SORCS1: variants seen among roughly 807,000 people sequenced by gnomAD.
SORCS1 encodes VPS10 domain-containing receptor SorCS1.
SORCS1 carries 60 observed loss-of-function variants against 146.1 expected under a neutral mutation model. The observed-to-expected ratio is 0.41, with a 90% CI of 0.33 to 0.51. The LOEUF is 0.51. SORCS1 is among the 20% of genes least tolerant of loss of function. SORCS1 has a pLI of 0.21. For synonymous variants in SORCS1, 637 were observed against 584.0 expected (o/e 1.09, Z -1.31); for missense variants, 1,352 against 1,487.6 (o/e 0.91, Z 1.50).
At chr10:106,892,315 C>G (rs556274853) in intron 2 of SORCS1, among the ~76,000 whole-genome samples, 10 of 152,332 alleles carry the variant, frequency 6.6e-5, no homozygotes, top group Non-Finnish European at 1.2e-4. Context: ...TATTCTAAGT[C>G]ACCTGGAGTT....
chr10:107,048,773 A>C (rs912253428), intron 1 of SORCS1, among the ~76,000 whole-genome samples: 4 of 152,100 alleles, frequency 2.6e-5, no homozygotes, highest in Non-Finnish European at 5.9e-5. Flanking sequence ...CAAAGGAAAA[A>C]CCATAGAAGG....
chr10:107,095,178 T>C (rs1455606245), intron 1 of SORCS1, among the ~76,000 whole-genome samples: 1 of 152,180 alleles, frequency 6.6e-6, no homozygotes, highest in African/African-American at 2.4e-5. Context: ...ACAGCCAGTC[T>C]TGGGAAAAAA....
chr10:107,114,583 T>A (rs1478635656), intron 1 of SORCS1, among the ~76,000 whole-genome samples: 1 of 152,052 alleles, frequency 6.6e-6, no homozygotes, highest in Non-Finnish European at 1.5e-5. Flanking sequence ...CTCAACAAAT[T>A]AGATGTAGAA....
intron 1 of SORCS1, among the ~76,000 whole-genome samples, chr10:107,154,144 T>G (rs1969077545): frequency 6.6e-6 from 1 of 151,500 alleles, no homozygotes; most frequent in African/African-American, 2.4e-5. Context: ...CCCAAGTAGC[T>G]GGGACTACAG....
intron 18 of SORCS1, among the ~76,000 whole-genome samples, chr10:106,636,553 G>T (rs1848735033): frequency 6.6e-6 from 1 of 152,132 alleles, no homozygotes; most frequent in Non-Finnish European, 1.5e-5. Flanking sequence ...AAGCAGGCAC[G>T]TCTTGTAGGA....
intron 1 of SORCS1, among the ~76,000 whole-genome samples, chr10:107,080,300 A>C (rs1963231586): frequency 6.6e-6 from 1 of 152,178 alleles, no homozygotes; most frequent in Non-Finnish European, 1.5e-5. Context: ...GTTCCCCTGC[A>C]TTAAATCTCT....
chr10:107,077,671 G>A (rs1211436927), intron 1 of SORCS1, among the ~76,000 whole-genome samples: 2 of 151,222 alleles, frequency 1.3e-5, no homozygotes, highest in Non-Finnish European at 2.9e-5. Flanking sequence ...GAAATGCAGA[G>A]GTGAGTCCCT....
intron 3 of SORCS1, among the ~76,000 whole-genome samples, chr10:106,809,230 A>AATAG (rs1377974671): frequency 1.3e-5 from 2 of 151,912 alleles, no homozygotes; most frequent in Admixed American, 1.3e-4. Context: ...TAAATAAATA[A>AATAG]TAATAATAAA....
At chr10:106,753,069 T>C (rs578073057) in intron 5 of SORCS1, among the ~76,000 whole-genome samples, 1 of 151,626 alleles carries the variant, frequency 6.6e-6, no homozygotes, top group Non-Finnish European at 1.5e-5. Flanking sequence ...AGGCAGAGTA[T>C]CTTGGAAAAA....
intron 1 of SORCS1, among the ~76,000 whole-genome samples, chr10:106,974,909 T>C (rs1955929888): frequency 1.3e-5 from 2 of 152,216 alleles, no homozygotes; most frequent in South Asian, 4.1e-4. Flanking sequence ...AAAATGTCTC[T>C]ACTTTTTAAA....
chr10:106,963,201 C>T (rs1955337138), intron 1 of SORCS1, among the ~76,000 whole-genome samples: 1 of 142,196 alleles, frequency 7.0e-6, no homozygotes, highest in Admixed American at 7.6e-5. Context: ...CTGCAAGCTC[C>T]GCCTCCCGGG....
intron 2 of SORCS1, among the ~76,000 whole-genome samples, chr10:106,937,972 G>GAAAAA (rs76116094): frequency 1.5e-5 from 2 of 129,174 alleles, no homozygotes; most frequent in South Asian, 2.5e-4. Flanking sequence ...TCAAAAAGAA[G>GAAAAA]AAAAAAAAAA....
At chr10:106,743,821 G>A (rs1438895409) in intron 5 of SORCS1, among the ~76,000 whole-genome samples, 3 of 152,070 alleles carry the variant, frequency 2.0e-5, no homozygotes, top group Non-Finnish European at 4.4e-5. Context: ...ATAATACTAA[G>A]TATACAGAAG....
intron 19 of SORCS1, among the ~76,000 whole-genome samples, chr10:106,622,963 C>G (rs746415840): frequency 6.6e-6 from 1 of 152,176 alleles, no homozygotes; most frequent in Non-Finnish European, 1.5e-5. Context: ...GCACTTTCCA[C>G]CTGGTTTCAT....
chr10:106,751,505 A>T (rs1373101661), intron 5 of SORCS1, among the ~76,000 whole-genome samples: 2 of 152,226 alleles, frequency 1.3e-5, no homozygotes, highest in Non-Finnish European at 2.9e-5. Flanking sequence ...CTGTGAGAGC[A>T]GTCTAGGATG....
intron 2 of SORCS1, among the ~76,000 whole-genome samples, chr10:106,903,187 T>C (rs548390986): frequency 1.3e-5 from 2 of 152,350 alleles, no homozygotes; most frequent in African/African-American, 4.8e-5. Context: ...CCTTTCTCCA[T>C]TTTAATGTTT....
chr10:106,581,705 A>G (rs969539183), intron 24 of SORCS1, among the ~76,000 whole-genome samples: 2 of 152,134 alleles, frequency 1.3e-5, no homozygotes, highest in African/African-American at 4.8e-5. Context: ...ACAACCTCCA[A>G]CCACTGGATT....
At chr10:107,004,124 C>T (rs1195924446) in intron 1 of SORCS1, among the ~76,000 whole-genome samples, 2 of 138,890 alleles carry the variant, frequency 1.4e-5, no homozygotes, top group Non-Finnish European at 3.0e-5. Flanking sequence ...GGCACTGAGC[C>T]GAGATTGCGC....
intron 9 of SORCS1, among the ~76,000 whole-genome samples, chr10:106,688,808 C>G (rs1256561647): frequency 6.6e-6 from 1 of 152,156 alleles, no homozygotes; most frequent in Non-Finnish European, 1.5e-5. Context: ...AAGTGACTTG[C>G]CTAAGGTCAC....
Sources: gnomAD v4.1 joint callset for allele counts (sites outside exome capture counted in the v4.1 genomes callset) on GRCh38, gnomAD v4.1.1 for gene constraint, MANE v1.5 for transcripts, NCBI Gene and HGNC (gene_info 2026-07-23, HGNC 2026-07-21) for gene names.